RAG1: variants seen among roughly 807,000 people sequenced by gnomAD.
RAG1 encodes the protein V(D)J recombination-activating protein 1.
RAG1 carries 35 observed loss-of-function variants against 62.7 expected under a neutral mutation model. That is an observed-to-expected ratio of 0.56 (90% CI 0.43 to 0.74). The LOEUF is 0.74. Among genes scored for constraint, RAG1 ranks in the 30% least tolerant of loss-of-function variants. RAG1 has a pLI of 0.00. For synonymous variants in RAG1, 461 were observed against 470.3 expected (o/e 0.98, Z 0.26); for missense variants, 1,169 against 1,278.6 (o/e 0.91, Z 1.31).
At chr11:36,514,592 G>A (rs1859970375) in intron 1 of RAG1, among the ~76,000 whole-genome samples, 1 of 152,250 alleles carries the variant, frequency 6.6e-6, no homozygotes, top group Non-Finnish European at 1.5e-5. Flanking sequence ...TTCTGAGCTT[G>A]TTTTGCTGCA....
chr11:36,560,926 G>A (rs1302882930), intron 3 of RAG1, among the ~76,000 whole-genome samples: 2 of 152,162 alleles, frequency 1.3e-5, no homozygotes, highest in African/African-American at 2.4e-5. Flanking sequence ...CGCGTTAGAC[G>A]CTGTACTCAA....
At chr11:36,569,836 G>A (rs189467851) in intron 1 of RAG1, among the ~76,000 whole-genome samples, 22 of 152,186 alleles carry the variant, frequency 1.4e-4, no homozygotes, top group African/African-American at 5.3e-4. Flanking sequence ...GAATTCCTGT[G>A]ATTTCATATA....
chr11:36,512,170 C>T (rs1458790811), intron 1 of RAG1, among the ~76,000 whole-genome samples: 1 of 152,212 alleles, frequency 6.6e-6, no homozygotes, highest in Non-Finnish European at 1.5e-5. Flanking sequence ...TCAGGCAGGG[C>T]CACGTGACTA....
intron 3 of RAG1, among the ~76,000 whole-genome samples, chr11:36,544,350 CTG>C (rs1376907572): frequency 6.6e-6 from 1 of 152,136 alleles, no homozygotes; most frequent in African/African-American, 2.4e-5. Flanking sequence ...TGTAGCCACT[CTG>C]ATAGAACACA....
intron 3 of RAG1, among the ~76,000 whole-genome samples, chr11:36,551,379 C>A (rs554576225): frequency 1.3e-5 from 2 of 151,988 alleles, no homozygotes; most frequent in African/African-American, 4.8e-5. Flanking sequence ...AAACAACCAA[C>A]GTTTATTTTC....
intron 2 of RAG1, among the ~76,000 whole-genome samples, chr11:36,534,490 G>A (rs190287856): frequency 1.3e-5 from 2 of 152,314 alleles, no homozygotes; most frequent in African/African-American, 4.8e-5. Flanking sequence ...AACGTGAGCA[G>A]AAGTCACATG....
At chr11:36,532,202 G>GA in intron 2 of RAG1, among the ~76,000 whole-genome samples, 2 of 152,098 alleles carry the variant, frequency 1.3e-5, no homozygotes, top group South Asian at 4.1e-4. Context: ...AAGATATGGA[G>GA]AAAAAACTGA....
chr11:36,551,629 T>G (rs1850485841), intron 3 of RAG1, among the ~76,000 whole-genome samples: 1 of 145,948 alleles, frequency 6.9e-6, no homozygotes, highest in African/African-American at 2.5e-5. Flanking sequence ...TATTATACTC[T>G]AAGTTTTAGG....
Position 36,575,321 on chromosome 11 carries a change from G to T in RAG1, c.2017G>T (p.Ala673Ser). The T allele has an allele frequency of 6.2e-7, 1 of 1,614,168 alleles. No individual in the cohort carries two copies. The highest frequency in any genetic ancestry group is 2.2e-5 in the East Asian group (1 of 44,874). The stretch of plus-strand genomic sequence containing the variant: ...TGAGTCTGACCACGAGACGCTGACT[G>T]CCATCCTGAGTCCTCTCATTGCTGA... Reference protein sequence around the residue: ...ADESDHETLTAILSPLIAERE... With the variant: ...ADESDHETLTSILSPLIAERE... Residue 673 changes from alanine to serine, a missense_variant, in exon 2 of 2, where the codon GCC becomes TCC. Ala to Ser is a moderately conservative substitution (Grantham distance 99). Around this residue, in one of 2 missense-constraint regions of RAG1, gnomAD observed 800 missense variants for 943.3 expected, o/e 0.85. Coordinates refer to ENST00000299440, the MANE Select transcript of RAG1 (RefSeq NM_000448.3). This position sits in a 1 kb window ranked among gnomAD's most constrained non-coding sequence, Gnocchi z 4.1.
At chr11:36,540,392 TTTTC>T (rs1860396962), downstream of RAG1, among the ~76,000 whole-genome samples, 3 of 152,142 alleles carry the variant, frequency 2.0e-5, no homozygotes, top group Admixed American at 6.5e-5. Context: ...TTAACATTTC[TTTTC>T]TTTATTTTAT....
chr11:36,533,821 C>T (rs1860288870), intron 2 of RAG1, among the ~76,000 whole-genome samples: 1 of 151,818 alleles, frequency 6.6e-6, no homozygotes, highest in Admixed American at 6.6e-5. Context: ...TTAAGGTGAT[C>T]GTATGTATGA....
At chr11:36,528,808 G>T (rs1260280853) in intron 2 of RAG1, among the ~76,000 whole-genome samples, 1 of 151,678 alleles carries the variant, frequency 6.6e-6, no homozygotes, top group African/African-American at 2.4e-5. Flanking sequence ...AATGATAAAG[G>T]GGATATCACC....
intron 1 of RAG1, among the ~76,000 whole-genome samples, chr11:36,515,781 G>C (rs553832864): frequency 3.0e-4 from 46 of 152,318 alleles, no homozygotes; most frequent in Non-Finnish European, 6.0e-4. Flanking sequence ...GTCCAGGCTA[G>C]AAGCAGAGTC....
intron 3 of RAG1, among the ~76,000 whole-genome samples, chr11:36,562,942 T>C (rs896158238): frequency 2.0e-5 from 3 of 152,174 alleles, no homozygotes; most frequent in African/African-American, 7.2e-5. Context: ...GGGAGGCTTC[T>C]GTCCTTGGCT....
chr11:36,575,062 T>C lies in RAG1; in HGVS notation c.1758T>C (p.Leu586=). 1 of 1,614,102 alleles carries C rather than the reference T, an allele frequency of 6.2e-7. No homozygotes were observed. The highest frequency in any genetic ancestry group is 8.5e-7 in the Non-Finnish European group (1 of 1,180,012). The change falls in exon 2 of 2, where the codon CTT becomes CTC. Residue 586 remains leucine (L), a synonymous_variant. Coordinates refer to ENST00000299440, the MANE Select transcript of RAG1 (RefSeq NM_000448.3). This position sits in a 1 kb window ranked among gnomAD's most constrained non-coding sequence, Gnocchi z 4.1. ...TGGAAGGCATGAGATCCCAAGACCTTGATGATTACCTGAATGGCCCCTTCA... is the reference window on the plus strand; with the variant it reads ...TGGAAGGCATGAGATCCCAAGACCTCGATGATTACCTGAATGGCCCCTTCA... ...DILEGMRSQD[L]DDYLNGPFTV... is the part of the protein sequence containing the mutation.
intron 1 of RAG1, among the ~76,000 whole-genome samples, chr11:36,570,327 A>G (rs574440872): frequency 6.6e-6 from 1 of 152,346 alleles, no homozygotes; most frequent in Admixed American, 6.5e-5. Context: ...ATGCTGAACC[A>G]TATAAGTAGT....
chr11:36,573,845 A>T lies in RAG1; in HGVS notation c.541A>T (p.Ser181Cys), dbSNP rs761612265. The T allele has an allele frequency of 1.2e-6, 2 of 1,613,992 alleles. No homozygotes were observed. The highest frequency in any genetic ancestry group is 2.7e-5 in the African/African-American group (2 of 74,900). ...HPTEFCHNCW[S>C]IMHRKFSSAP... ...CACTGAGTTCTGCCATAACTGCTGGAGCATCATGCACAGGAAGTTTAGCAG... is the reference window on the plus strand; with the variant it reads ...CACTGAGTTCTGCCATAACTGCTGGTGCATCATGCACAGGAAGTTTAGCAG... The change falls in exon 2 of 2, where the codon AGC (serine) becomes TGC (cysteine). Residue 181 changes from serine (S) to cysteine (C), a missense_variant. Around this residue, in one of 2 missense-constraint regions of RAG1, gnomAD observed 369 missense variants for 335.3 expected, o/e 1.10. Transcript: ENST00000299440.
At position 36,561,258 on chromosome 11, in the gene RAG1, C is replaced by G. The variant is rs1047270521; in HGVS notation, c.-411-2127C>G. On this transcript the variant is annotated intron_variant and NMD_transcript_variant, in intron 3 of 9. Transcript: ENST00000534663. ...TCCACACTGTACAAGGTACCTGGTT[C>G]TCCAGGCCTTGTAGGCAGATGGGTG... Among the ~76,000 whole-genome samples, 5 of 152,328 alleles carry G rather than the reference C, an allele frequency of 3.3e-5. No homozygotes were observed. In the East Asian group the frequency reaches 9.7e-4, roughly 29 times the overall value.
rs555424060 is a variant in RAG1 at position 36,543,185 on chromosome 11, G to A, written c.-412+7151G>A. ...TCAGATGCTGGCTGACCCTCTCAGG[G>A]TCTTAGGTATAGCCTTGATTAGACC... On this transcript the variant is annotated intron_variant and NMD_transcript_variant, in intron 3 of 9. Coordinates refer to the RAG1 transcript ENST00000534663. Among the ~76,000 whole-genome samples the A allele has an allele frequency of 1.0e-3, 159 of 152,276 alleles. 1 individual carries two copies. Among genetic ancestry groups the A allele is most frequent in the Non-Finnish European group, 2.0e-3 (136 of 68,028 alleles).
Sources: allele counts gnomAD v4.1 joint callset (sites outside exome capture counted in the v4.1 genomes callset), GRCh38; gene constraint gnomAD v4.1.1; regional missense constraint gnomAD v4.1.1; non-coding constraint Gnocchi (gnomAD v3.1); transcripts MANE v1.5; gene names NCBI Gene and HGNC (gene_info 2026-07-23, HGNC 2026-07-21).